Variants in DTX2 observed in about 807,000 individuals in gnomAD.
The protein encoded by DTX2 is deltex E3 ubiquitin ligase 2.
Under a neutral mutation model 55.3 loss-of-function variants are expected in DTX2, and 29 were observed. The observed-to-expected ratio is 0.52, with a 90% CI of 0.39 to 0.71. The LOEUF is 0.71. Among genes scored for constraint, DTX2 ranks in the 30% least tolerant of loss-of-function variants. The pLI is 0.00. For missense variants in DTX2, 537 were observed against 822.5 expected (o/e 0.65, Z 4.25); for synonymous variants, 276 against 340.4 (o/e 0.81, Z 2.08).
chr7:76,480,815 C>G, intron 3 of DTX2, 38 bp downstream of exon 3: 1 of 1,538,106 alleles, frequency 6.5e-7, no homozygotes, highest in Non-Finnish European at 8.8e-7. Flanking sequence ...ATCTGGGTGC[C>G]GCACCTGCTT....
chr7:76,505,593 C>G lies in DTX2; in HGVS notation c.1861C>G (p.Gln621Glu), dbSNP rs144382908. Residue 621 changes from glutamine (Q) to glutamate (E), a missense_variant, in exon 11 of 11, where the codon CAG becomes GAG. This residue lies in a region of DTX2 where 59 missense variants were observed against 54.1 expected (regional missense o/e 1.09). Transcript: ENST00000430490. This position sits in a 1 kb window ranked among gnomAD's most constrained non-coding sequence, Gnocchi z 4.4. ...GGGGGTGACCGAGGACTGCCTGGAG[C>G]AGCAGTGACCTCGCACCCCAGCACG... Reference protein sequence around the residue: ...AQGVTEDCLEQQ With the variant: ...AQGVTEDCLEEQ The G allele has an allele frequency of 6.4e-7, 1 of 1,550,766 alleles. No individual in the cohort carries two copies. Among genetic ancestry groups the G allele is most frequent in the East Asian group, 2.4e-5 (1 of 41,718 alleles).
intron 2 of DTX2, among the ~76,000 whole-genome samples, chr7:76,466,660 C>T (rs191309249): frequency 3.9e-3 from 600 of 152,112 alleles, no homozygotes; most frequent in African/African-American, 0.014. Context: ...GGCACGATCT[C>T]GGCTCACTGC....
rs1288767163 is a variant in DTX2, at chr7:76,476,549, C to T, written c.-89-3872C>T. ...AAACCAGGGAGTGCGGTTGTGTTTG[C>T]GTAAGTGCCCTGCGCCGTGCACACA... On this transcript the variant is annotated intron_variant, in intron 2 of 10. Coordinates refer to ENST00000430490, the MANE Select transcript of DTX2 (RefSeq NM_001102594.3). Among the ~76,000 whole-genome samples, 30 of 151,012 alleles carry T rather than the reference C, an allele frequency of 2.0e-4. No homozygotes were observed. The East Asian group carries it at 5.9e-3, about 30-fold the overall frequency.
intron 5 of DTX2, among the ~76,000 whole-genome samples, chr7:76,494,641 C>T (rs1489841509): frequency 1.9e-5 from 2 of 104,810 alleles, no homozygotes; most frequent in Non-Finnish European, 4.0e-5. Context: ...TGTCTGTCCC[C>T]GTTGCTCTCA....
chr7:76,465,004 C>G (rs1273652045), intron 2 of DTX2, among the ~76,000 whole-genome samples: 2 of 150,590 alleles, frequency 1.3e-5, no homozygotes, highest in Non-Finnish European at 2.9e-5. Flanking sequence ...GTGGTGCAAT[C>G]TCAGCTCACT....
chr7:76,484,078 T>C (rs1809630376), intron 4 of DTX2, among the ~76,000 whole-genome samples: 1 of 134,228 alleles, frequency 7.5e-6, no homozygotes, highest in Admixed American at 7.5e-5. Flanking sequence ...GCCCAGTGGC[T>C]CACGCCTGTA....
intron 2 of DTX2, chr7:76,472,104 T>C (rs1807990231): frequency 6.6e-6 from 1 of 151,060 alleles, no homozygotes. Context: ...ACAGGACTAC[T>C]GTCATAGGAA....
chr7:76,501,326 C>G (rs550804327), intron 7 of DTX2: 17 of 455,644 alleles, frequency 3.7e-5, no homozygotes, highest in Admixed American at 1.2e-4. Flanking sequence ...CCTGAACGTC[C>G]TCCTCATGTG....
At chr7:76,504,849 G>A (rs970882507) in intron 10 of DTX2, among the ~76,000 whole-genome samples, 4 of 152,072 alleles carry the variant, frequency 2.6e-5, no homozygotes, top group African/African-American at 7.2e-5. Flanking sequence ...GTGGGAGCCC[G>A]TGGTGTGGGT....
intron 4 of DTX2, among the ~76,000 whole-genome samples, chr7:76,486,658 A>C (rs2539641): frequency 8.8e-6 from 1 of 113,462 alleles, no homozygotes; most frequent in Non-Finnish European, 1.8e-5. Flanking sequence ...TGTGTCATGC[A>C]TGCTCTTGTC....
chr7:76,474,584 T>C (rs898330530), intron 2 of DTX2: 1 of 152,112 alleles, frequency 6.6e-6, no homozygotes, highest in Non-Finnish European at 1.5e-5. Flanking sequence ...AGGTCTGCAG[T>C]GATCAGATGG....
At chr7:76,499,583 C>T (rs1257391674) in intron 6 of DTX2, among the ~76,000 whole-genome samples, 2 of 149,462 alleles carry the variant, frequency 1.3e-5, no homozygotes, top group African/African-American at 2.5e-5. Flanking sequence ...CTGTCAGGAG[C>T]GCCTCCACGG....
At chr7:76,484,698 A>G (rs1809717498) in intron 4 of DTX2, among the ~76,000 whole-genome samples, 1 of 152,106 alleles carries the variant, frequency 6.6e-6, no homozygotes, top group Non-Finnish European at 1.5e-5. Context: ...AAGGGCTGAA[A>G]CTTCACAGGG....
intron 3 of DTX2, among the ~76,000 whole-genome samples, chr7:76,481,733 A>G (rs1233131870): frequency 1.3e-5 from 2 of 151,894 alleles, no homozygotes; most frequent in Non-Finnish European, 2.9e-5. Context: ...GCCCTGCAGT[A>G]AGGAATTATT....
intron 2 of DTX2, among the ~76,000 whole-genome samples, chr7:76,475,243 G>A (rs576128692): frequency 0.028 from 4,269 of 151,758 alleles, 197 homozygotes; most frequent in African/African-American, 0.096. Flanking sequence ...CCCGGGAGGC[G>A]GAGGTTGCAG....
intron 3 of DTX2, among the ~76,000 whole-genome samples, chr7:76,481,227 C>T (rs1390945489): frequency 6.6e-6 from 1 of 151,540 alleles, no homozygotes; most frequent in African/African-American, 2.4e-5. Context: ...GGCTCTGTTG[C>T]CTAAACTGGA....
chr7:76,469,360 ATTTT>A (rs67541833), intron 2 of DTX2, among the ~76,000 whole-genome samples: 4 of 81,260 alleles, frequency 4.9e-5, no homozygotes, highest in African/African-American at 8.4e-5. Context: ...TGAAATCTAG[ATTTT>A]TTTTTTTTTT....
At chr7:76,466,501 T>C in intron 2 of DTX2, among the ~76,000 whole-genome samples, 1 of 151,972 alleles carries the variant, frequency 6.6e-6, no homozygotes, top group South Asian at 2.1e-4. Context: ...TGAACTTGTT[T>C]TCTGTTCTTA....
At chr7:76,502,062 T>G (rs1473831340) in intron 7 of DTX2, 2 of 503,554 alleles carry the variant, frequency 4.0e-6, no homozygotes, top group Non-Finnish European at 7.0e-6. Context: ...AATTTTTGTA[T>G]TCTTAGTAGA....
Sources: gnomAD v4.1 joint callset for allele counts (sites outside exome capture counted in the v4.1 genomes callset) on GRCh38, gnomAD v4.1.1 for gene constraint, gnomAD v4.1.1 regional missense constraint, Gnocchi (gnomAD v3.1) non-coding constraint, MANE v1.5 for transcripts, NCBI Gene and HGNC (gene_info 2026-07-23, HGNC 2026-07-21) for gene names.